The following QTMAN variants were observed in gnomAD, a reference collection of about 807,000 sequenced individuals.
The protein encoded by QTMAN is tRNA-queuosine alpha-mannosyltransferase.
the QTMAN span, among the ~76,000 whole-genome samples, chr2:144,267,707 A>C: frequency 2.5e-4 from 38 of 152,308 alleles, no homozygotes; most frequent in African/African-American, 8.9e-4. Context: ...GTTTTTAAAA[A>C]TCTCCTGAAA....
At chr2:144,328,651 A>T in the QTMAN span, among the ~76,000 whole-genome samples, 1 of 152,232 alleles carries the variant, frequency 6.6e-6, no homozygotes, top group Non-Finnish European at 1.5e-5. Flanking sequence ...TGAGTAGGCC[A>T]GGCAGACTAG....
At chr2:144,126,129 C>A in the QTMAN span, among the ~76,000 whole-genome samples, 1 of 151,874 alleles carries the variant, frequency 6.6e-6, no homozygotes, top group African/African-American at 2.4e-5. Context: ...CACTTGCAGA[C>A]AGGAATATAA....
At chr2:144,038,229 T>C in the QTMAN span, among the ~76,000 whole-genome samples, 2 of 152,310 alleles carry the variant, frequency 1.3e-5, no homozygotes, top group African/African-American at 4.8e-5. Flanking sequence ...AAGAATGTTT[T>C]TCCTGTGTTG....
chr2:144,049,586 G>C, the QTMAN span, among the ~76,000 whole-genome samples: 1 of 152,016 alleles, frequency 6.6e-6, no homozygotes, highest in Non-Finnish European at 1.5e-5. Flanking sequence ...TCCAAACTTG[G>C]CATGTCTTTG....
the QTMAN span, among the ~76,000 whole-genome samples, chr2:144,012,214 A>G: frequency 6.6e-6 from 1 of 152,076 alleles, no homozygotes; most frequent in Non-Finnish European, 1.5e-5. Context: ...ACAAAACCCC[A>G]GTACTATGTT....
chr2:143,962,094 C>T, the QTMAN span, among the ~76,000 whole-genome samples: 2 of 152,098 alleles, frequency 1.3e-5, no homozygotes, highest in African/African-American at 2.4e-5. Flanking sequence ...TTCTACTCTT[C>T]ACCTACAAAG....
the QTMAN span, among the ~76,000 whole-genome samples, chr2:143,983,791 T>G: frequency 2.0e-5 from 3 of 152,210 alleles, no homozygotes; most frequent in Non-Finnish European, 2.9e-5. Context: ...AATGTTTACC[T>G]TGAATTATAC....
the QTMAN span, among the ~76,000 whole-genome samples, chr2:144,331,075 C>T: frequency 6.6e-6 from 1 of 152,088 alleles, no homozygotes; most frequent in Non-Finnish European, 1.5e-5. Context: ...TCAAGCATGT[C>T]AAAGAAAGTT....
the QTMAN span, among the ~76,000 whole-genome samples, chr2:144,271,813 G>A: frequency 3.9e-5 from 6 of 152,186 alleles, no homozygotes; most frequent in African/African-American, 7.2e-5. Flanking sequence ...AAAATGAAAC[G>A]AACTATTCCA....
chr2:144,059,421 A>G, the QTMAN span, among the ~76,000 whole-genome samples: 37,362 of 152,162 alleles, frequency 0.25, 5,583 homozygotes, highest in East Asian at 0.39. Flanking sequence ...ATTCATCCTT[A>G]TAACAGAGCA....
the QTMAN span, among the ~76,000 whole-genome samples, chr2:144,097,260 C>G: frequency 3.9e-5 from 6 of 152,198 alleles, no homozygotes; most frequent in Non-Finnish European, 8.8e-5. Context: ...ACTCAAATTA[C>G]TTACTACTTA....
chr2:143,960,852 T>C, the QTMAN span, among the ~76,000 whole-genome samples: 1 of 152,018 alleles, frequency 6.6e-6, no homozygotes, highest in African/African-American at 2.4e-5. Flanking sequence ...ATTGAAAAAG[T>C]ATAATTATTA....
chr2:144,006,150 A>G, the QTMAN span: 23 of 152,148 alleles, frequency 1.5e-4, no homozygotes, highest in Admixed American at 1.4e-3. Context: ...CTATGCTGGA[A>G]GTATGAAGTT....
At chr2:144,138,698 G>A in the QTMAN span, among the ~76,000 whole-genome samples, 3 of 151,946 alleles carry the variant, frequency 2.0e-5, no homozygotes, top group Admixed American at 1.3e-4. Context: ...GGGTGGACCT[G>A]GTAGTATCAA....
the QTMAN span, chr2:144,005,893 G>A: frequency 6.6e-6 from 1 of 152,002 alleles, no homozygotes; most frequent in Non-Finnish European, 1.5e-5. Flanking sequence ...ACATTTTCAT[G>A]ATACCCTGGA....
chr2:144,036,176 G>A, the QTMAN span, among the ~76,000 whole-genome samples: 25 of 152,204 alleles, frequency 1.6e-4, no homozygotes, highest in African/African-American at 5.1e-4. Flanking sequence ...CTTCCAAACC[G>A]CACCAAAGAC....
chr2:144,273,130 G>A, the QTMAN span, among the ~76,000 whole-genome samples: 12 of 151,828 alleles, frequency 7.9e-5, no homozygotes, highest in Non-Finnish European at 1.3e-4. Flanking sequence ...CGCTTTCATC[G>A]CATGTATATT....
At chr2:143,957,076 G>T in the QTMAN span, 1 of 771,978 alleles carries the variant, frequency 1.3e-6, no homozygotes, top group South Asian at 2.5e-5. Flanking sequence ...ATAGGTGATA[G>T]TCAATTGAAT....
At chr2:144,063,188 CTGA>C in the QTMAN span, among the ~76,000 whole-genome samples, 1 of 152,132 alleles carries the variant, frequency 6.6e-6, no homozygotes, top group South Asian at 2.1e-4. Flanking sequence ...AAACACAGTT[CTGA>C]TGACAGGGCT....
Sources: allele counts gnomAD v4.1 joint callset (sites outside exome capture counted in the v4.1 genomes callset), GRCh38; gene constraint gnomAD v4.1.1; transcripts MANE v1.5; gene names NCBI Gene and HGNC (gene_info 2026-07-23, HGNC 2026-07-21).